The following MAN2A1 variants were observed in gnomAD, a reference collection of about 807,000 sequenced individuals.
MAN2A1 encodes mannosidase alpha class 2A member 1.
Under a neutral mutation model 142.6 loss-of-function variants are expected in MAN2A1, and 76 were observed. The observed-to-expected ratio is 0.53, with a 90% confidence interval of 0.44 to 0.65. MAN2A1 has a LOEUF of 0.65. Among genes scored for constraint, MAN2A1 ranks in the 30% least tolerant of loss-of-function variants. The probability of loss-of-function intolerance (pLI) is 0.00; values close to 1 mark genes in which losing one functional copy is unlikely to be tolerated. For missense variants in MAN2A1, 1,311 were observed against 1,365.1 expected, an observed-to-expected ratio of 0.96 and a Z score of 0.62; for synonymous variants, 559 against 473.2, an observed-to-expected ratio of 1.18 and a Z score of -2.35.
intron 1 of MAN2A1, among the ~76,000 whole-genome samples, chr5:109,696,406 C>T (rs1434904114): frequency 6.6e-6 from 1 of 152,196 alleles, no homozygotes; most frequent in Non-Finnish European, 1.5e-5. Context: ...GTTGGTATCT[C>T]TTAAATATCT....
rs1230109671 is a variant in MAN2A1, at chr5:109,690,540, C to T, written c.123C>T (p.Gly41=). The T allele has an allele frequency of 1.9e-6, 3 of 1,605,386 alleles. No individual in the cohort carries two copies. The highest frequency in any genetic ancestry group is 2.6e-6 in the Non-Finnish European group (3 of 1,175,820). The part of the protein sequence containing the change: ...LDYPRNPRRE[G]SFPQGQLSML... ...ACCCCAGGAACCCGCGCCGCGAGGG[C>T]TCCTTCCCTCAGGTAAGCACCTGGG... The change falls in exon 1 of 22, where the codon GGC becomes GGT. Residue 41 remains glycine (G), a synonymous_variant. Transcript: ENST00000261483.
At chr5:109,704,487 T>C (rs998345801) in intron 1 of MAN2A1, among the ~76,000 whole-genome samples, 1 of 152,220 alleles carries the variant, frequency 6.6e-6, no homozygotes, top group Non-Finnish European at 1.5e-5. Context: ...TATTTATAAC[T>C]GGCTTGTGGC....
chr5:109,808,867 T>TAAA (rs1754244518), intron 12 of MAN2A1, among the ~76,000 whole-genome samples: 1 of 151,964 alleles, frequency 6.6e-6, no homozygotes, highest in Admixed American at 6.6e-5. Context: ...CCATGCTGGC[T>TAAA]AATTTTTGTA....
rs550164067 is a variant in MAN2A1, at chr5:109,757,244, A to G, written c.835+1788A>G. Among the ~76,000 whole-genome samples, 4 of 152,314 alleles carry G rather than the reference A, an allele frequency of 2.6e-5. No homozygotes were observed. The South Asian group carries it at 8.3e-4, about 32-fold the overall frequency. On this transcript the variant is annotated intron_variant, in intron 5 of 21. Transcript: ENST00000261483. ...CTCTACACAATGCCCTTTTTCTTAA[A>G]TACTTGATATGCTAACCCAAGAATA...
chr5:109,695,002 A>G (rs1374171250), intron 1 of MAN2A1, among the ~76,000 whole-genome samples: 1 of 152,186 alleles, frequency 6.6e-6, no homozygotes, highest in Non-Finnish European at 1.5e-5. Flanking sequence ...TTGGGAAGTG[A>G]TGGAACGTTG....
intron 16 of MAN2A1, among the ~76,000 whole-genome samples, chr5:109,838,238 C>A (rs1223973354): frequency 1.3e-5 from 2 of 152,136 alleles, no homozygotes; most frequent in South Asian, 2.1e-4. Flanking sequence ...AAACAAACTC[C>A]ATTCTCTCTT....
chr5:109,826,783 G>A (rs1165614723), intron 16 of MAN2A1, among the ~76,000 whole-genome samples: 1 of 152,132 alleles, frequency 6.6e-6, no homozygotes, highest in Non-Finnish European at 1.5e-5. Context: ...CAGTCTTCAG[G>A]GATCTGTTAT....
chr5:109,775,601 T>C (rs937134203), intron 8 of MAN2A1, among the ~76,000 whole-genome samples: 1 of 152,084 alleles, frequency 6.6e-6, no homozygotes, highest in African/African-American at 2.4e-5. Context: ...AGACCACTCT[T>C]GTTTCAGCCA....
At chr5:109,711,600 C>G (rs1376337684) in intron 1 of MAN2A1, among the ~76,000 whole-genome samples, 1 of 152,166 alleles carries the variant, frequency 6.6e-6, no homozygotes, top group Non-Finnish European at 1.5e-5. Flanking sequence ...CGATACTACT[C>G]GACAGCTCTG....
chr5:109,744,884 A>T (rs1472611059), intron 4 of MAN2A1, among the ~76,000 whole-genome samples: 2 of 152,220 alleles, frequency 1.3e-5, no homozygotes, highest in Non-Finnish European at 2.9e-5. Context: ...GTGATGGATT[A>T]AAAAATTGTT....
At chr5:109,739,419 T>C (rs1752201468) in intron 4 of MAN2A1, among the ~76,000 whole-genome samples, 1 of 152,156 alleles carries the variant, frequency 6.6e-6, no homozygotes, top group African/African-American at 2.4e-5. Flanking sequence ...TGTTATTGTG[T>C]CTCTAGTCTC....
chr5:109,742,139 C>A (rs2112607477), intron 4 of MAN2A1, among the ~76,000 whole-genome samples: 1 of 152,322 alleles, frequency 6.6e-6, no homozygotes, highest in Non-Finnish European at 1.5e-5. Flanking sequence ...GTTACATATT[C>A]ATTGTTCCTC....
chr5:109,820,468 G>A (rs1754593782), intron 15 of MAN2A1, 126 bp downstream of exon 15: 3 of 961,526 alleles, frequency 3.1e-6, no homozygotes, highest in Non-Finnish European at 4.6e-6. Context: ...ACTTTTGGTT[G>A]CAGTATTATC....
intron 1 of MAN2A1, among the ~76,000 whole-genome samples, chr5:109,690,784 C>G (rs2241353): frequency 0.19 from 28,602 of 152,176 alleles, 3,455 homozygotes; most frequent in East Asian, 0.64. Context: ...CGGCATCATC[C>G]CGCTCAGGAA....
intron 1 of MAN2A1, among the ~76,000 whole-genome samples, chr5:109,699,211 C>T (rs531044804): frequency 1.3e-5 from 2 of 152,320 alleles, no homozygotes; most frequent in African/African-American, 4.8e-5. Context: ...CACTCAATTT[C>T]TCTTCCTTCT....
At chr5:109,800,524 G>A (rs935598295) in intron 12 of MAN2A1, among the ~76,000 whole-genome samples, 8 of 151,948 alleles carry the variant, frequency 5.3e-5, no homozygotes, top group African/African-American at 1.9e-4. Context: ...GGAAAAGGAC[G>A]TGCATTTCAG....
chr5:109,753,971 T>C (rs1175310054), intron 4 of MAN2A1, among the ~76,000 whole-genome samples: 1 of 151,626 alleles, frequency 6.6e-6, no homozygotes, highest in Non-Finnish European at 1.5e-5. Context: ...TGCAGTGGCG[T>C]AATCATAGCT....
intron 4 of MAN2A1, among the ~76,000 whole-genome samples, chr5:109,739,987 C>A (rs1327071226): frequency 2.6e-5 from 4 of 152,198 alleles, no homozygotes; most frequent in African/African-American, 9.6e-5. Context: ...CCTCACAGCA[C>A]CTTGCATTTG....
At chr5:109,779,758 G>A (rs1199104611) in intron 8 of MAN2A1, among the ~76,000 whole-genome samples, 1 of 152,106 alleles carries the variant, frequency 6.6e-6, no homozygotes, top group Non-Finnish European at 1.5e-5. Context: ...TGTAGATGAG[G>A]AAATTGAGGC....
Sources: gnomAD v4.1 joint callset for allele counts (sites outside exome capture counted in the v4.1 genomes callset) on GRCh38, gnomAD v4.1.1 for gene constraint, MANE v1.5 for transcripts, NCBI Gene and HGNC (gene_info 2026-07-23, HGNC 2026-07-21) for gene names.